Variants in SOX6 observed in about 807,000 individuals in gnomAD.
SOX6 encodes the protein transcription factor SOX-6.
A neutral mutation model predicts 97.8 loss-of-function variants in SOX6; 11 were observed. That is an observed-to-expected ratio of 0.11 (90% CI 0.07 to 0.19). The LOEUF is 0.19. Among genes scored for constraint, SOX6 ranks in the 10% least tolerant of loss-of-function variants. The pLI, the probability that SOX6 is intolerant of heterozygous loss-of-function variation, is 1.00. For missense variants in SOX6, 810 were observed against 1,039.5 expected (o/e 0.78, Z 3.04); for synonymous variants, 360 against 371.4 (o/e 0.97, Z 0.35).
intron 4 of SOX6, among the ~76,000 whole-genome samples, chr11:16,226,675 C>A (rs550346093): frequency 1.5e-4 from 23 of 152,198 alleles, no homozygotes; most frequent in African/African-American, 5.5e-4. Context: ...AACATAGATA[C>A]AGATGGGTTA....
At chr11:16,737,330 C>A (rs1476217198) in intron 1 of SOX6, among the ~76,000 whole-genome samples, 1 of 152,136 alleles carries the variant, frequency 6.6e-6, no homozygotes, top group Admixed American at 6.5e-5. Context: ...CCTCAGCCTC[C>A]CGAGTAGCTG....
At chr11:16,701,635 A>T (rs1448068515) in intron 3 of SOX6, among the ~76,000 whole-genome samples, 5 of 152,066 alleles carry the variant, frequency 3.3e-5, no homozygotes, top group Non-Finnish European at 7.4e-5. Flanking sequence ...AGGCAGGCGG[A>T]TCACAAGGTC....
At chr11:16,645,674 G>T (rs1215074809) in intron 3 of SOX6, among the ~76,000 whole-genome samples, 2 of 152,172 alleles carry the variant, frequency 1.3e-5, no homozygotes, top group Non-Finnish European at 2.9e-5. Context: ...GCAGAGATTG[G>T]GAATTATGCA....
chr11:16,072,569 CAA>C (rs915707581), intron 9 of SOX6, among the ~76,000 whole-genome samples: 19 of 151,932 alleles, frequency 1.3e-4, no homozygotes, highest in African/African-American at 4.6e-4. Flanking sequence ...CTAGCTTGGC[CAA>C]AATTCGAATC....
chr11:16,511,741 A>C (rs1213703700), intron 4 of SOX6, among the ~76,000 whole-genome samples: 2 of 152,166 alleles, frequency 1.3e-5, no homozygotes, highest in Non-Finnish European at 2.9e-5. Flanking sequence ...TAAGACTATT[A>C]AGCTACTGAA....
At chr11:16,135,960 G>A (rs2134030061) in intron 6 of SOX6, among the ~76,000 whole-genome samples, 1 of 152,226 alleles carries the variant, frequency 6.6e-6, no homozygotes, top group African/African-American at 2.4e-5. Flanking sequence ...ACCCTGACCA[G>A]CCAGCAGCCA....
In SOX6 at chr11:16,015,036, A is replaced by G; in HGVS notation, c.1638T>C (p.Phe546=). The change falls in exon 13 of 16, where the codon TTT becomes TTC. Residue 546 remains phenylalanine (F), a synonymous_variant. Coordinates refer to ENST00000683767, the MANE Select transcript of SOX6 (RefSeq NM_001367873.1). Reference sequence around the variant, plus strand: ...CCGTTAACTGGGGCCCCAAATTCTCAAAGCGCGTTCTTTCCTAGAGGAACA... The same window carrying G: ...CCGTTAACTGGGGCCCCAAATTCTCGAAGCGCGTTCTTTCCTAGAGGAACA... ...SCRNEKERTR[F]ENLGPQLTGK... is the part of the protein sequence containing the mutation. The G allele has an allele frequency of 6.2e-7, 1 of 1,612,764 alleles. No homozygotes were observed. Among genetic ancestry groups the G allele is most frequent in the East Asian group, 2.2e-5 (1 of 44,796 alleles).
intron 4 of SOX6, among the ~76,000 whole-genome samples, chr11:16,518,219 G>T (rs1249349821): frequency 3.3e-5 from 5 of 152,078 alleles, no homozygotes; most frequent in Non-Finnish European, 7.4e-5. Context: ...AAATAAGATT[G>T]TTCACTGCTT....
intron 7 of SOX6, among the ~76,000 whole-genome samples, chr11:16,101,937 A>G (rs1848956755): frequency 6.6e-6 from 1 of 151,922 alleles, no homozygotes; most frequent in Non-Finnish European, 1.5e-5. Flanking sequence ...TGAATGAGAA[A>G]GAGTTGAAAG....
chr11:16,286,524 T>C (rs1257562680), intron 3 of SOX6, among the ~76,000 whole-genome samples: 3 of 152,166 alleles, frequency 2.0e-5, no homozygotes, highest in Non-Finnish European at 2.9e-5. Flanking sequence ...ATATAGCATA[T>C]ACTTCAATAT....
chr11:16,721,859 C>G (rs1375998179), intron 2 of SOX6, among the ~76,000 whole-genome samples: 2 of 151,538 alleles, frequency 1.3e-5, no homozygotes, highest in African/African-American at 4.9e-5. Flanking sequence ...ACAAATGGAA[C>G]AGAATAGAGC....
Position 15,989,019 on chromosome 11 carries a change from G to A in SOX6, c.1944C>T (p.Asn648=). Residue 648 remains asparagine (N), a synonymous_variant, in exon 14 of 16, where the codon AAC becomes AAT. Coordinates refer to ENST00000683767, the MANE Select transcript of SOX6 (RefSeq NM_001367873.1). ...CACCTAAGATTTTGCTAATGTTGGA[G>A]TTATGCATGTCGGGGAAGGCCTGAA... is the stretch of plus-strand genomic sequence containing the variant. ...KILQAFPDMH[N]SNISKILGSR... 1 of 1,614,206 alleles carries A rather than the reference G, an allele frequency of 6.2e-7. No individual in the cohort carries two copies. The highest frequency in any genetic ancestry group is 1.1e-5 in the South Asian group (1 of 91,088).
intron 13 of SOX6, among the ~76,000 whole-genome samples, chr11:16,000,948 C>A (rs966960112): frequency 6.6e-6 from 1 of 152,116 alleles, no homozygotes; most frequent in Non-Finnish European, 1.5e-5. Context: ...CCTCTGCCTC[C>A]TGGATTCAAG....
intron 3 of SOX6, among the ~76,000 whole-genome samples, chr11:16,673,380 G>A (rs1847861157): frequency 6.6e-6 from 1 of 151,706 alleles, no homozygotes; most frequent in Non-Finnish European, 1.5e-5. Context: ...GAAAAAAAGA[G>A]AAAAAACTCA....
chr11:16,691,252 G>A (rs1157815634), intron 3 of SOX6, among the ~76,000 whole-genome samples: 2 of 152,172 alleles, frequency 1.3e-5, no homozygotes, highest in Non-Finnish European at 2.9e-5. Flanking sequence ...CTAGCTAAAA[G>A]AAAGAAAAGG....
Position 16,132,441 on chromosome 11 carries a change from GA to G in SOX6, c.778-20519del, listed in dbSNP as rs776478066. On this transcript the variant is annotated intron_variant, in intron 6 of 15. Coordinates refer to ENST00000683767, the MANE Select transcript of SOX6 (RefSeq NM_001367873.1). ...AGAAAGAAAGAAAGAAAGAAAGAAA[GA>G]AAAAAGAAAGAAAGAAAGAAAGAAA... Among the ~76,000 whole-genome samples the G allele has an allele frequency of 1.4e-3, 78 of 54,728 alleles. 6 individuals are homozygous for G. The highest frequency in any genetic ancestry group is 6.4e-3 in the African/African-American group (73 of 11,460). 35.9% of individuals were successfully genotyped at this position (54,728 alleles called of 152,430 possible).
chr11:16,628,620 CA>C (rs71455891), intron 3 of SOX6, among the ~76,000 whole-genome samples: 323 of 103,032 alleles, frequency 3.1e-3, no homozygotes, highest in East Asian at 0.016. Flanking sequence ...GACTCCATCT[CA>C]AAAAAAAAAA....
At chr11:16,444,580 G>A (rs564939678) in intron 1 of SOX6, among the ~76,000 whole-genome samples, 171 of 152,262 alleles carry the variant, frequency 1.1e-3, no homozygotes, top group South Asian at 3.9e-3. Flanking sequence ...AGAATTAAAT[G>A]AGATAACATA....
chr11:16,332,679 T>C lies in SOX6; in HGVS notation c.237+8333A>G, dbSNP rs568721045. ...TTTATTAGCAAAGGTTTGTAATTTA[T>C]ACTTTGGAATTTAGAATGTGGTTTA... On this transcript the variant is annotated intron_variant, in intron 2 of 15. Transcript: ENST00000683767. Among the ~76,000 whole-genome samples the C allele has an allele frequency of 3.3e-5, 5 of 152,322 alleles. No individual in the cohort carries two copies. In the South Asian group the frequency reaches 8.3e-4, roughly 25 times the overall value.
Sources: allele counts gnomAD v4.1 joint callset (sites outside exome capture counted in the v4.1 genomes callset), GRCh38; gene constraint gnomAD v4.1.1; transcripts MANE v1.5; gene names NCBI Gene and HGNC (gene_info 2026-07-23, HGNC 2026-07-21).